Variants in DPYSL5 observed in about 807,000 individuals in gnomAD.
DPYSL5 encodes the protein dihydropyrimidinase like 5.
Under a neutral mutation model 58.4 loss-of-function variants are expected in DPYSL5, and 9 were observed. That is an observed-to-expected ratio of 0.15 (90% confidence interval 0.09 to 0.27). DPYSL5 has a LOEUF of 0.27. Among genes scored for constraint, DPYSL5 ranks in the 10% least tolerant of loss-of-function variants. The pLI is 1.00. For synonymous variants in DPYSL5, 293 were observed against 301.9 expected (o/e 0.97, Z 0.31); for missense variants, 499 against 770.6 (o/e 0.65, Z 4.17).
chr2:26,931,826 G>A (rs1018720544), intron 6 of DPYSL5, 142 bp downstream of exon 6: 2 of 797,288 alleles, frequency 2.5e-6, no homozygotes, highest in South Asian at 1.7e-5. Flanking sequence ...TGGCCAACAT[G>A]GTGAAACCCC....
intron 1 of DPYSL5, among the ~76,000 whole-genome samples, chr2:26,865,112 T>C (rs1194397601): frequency 1.3e-5 from 2 of 152,206 alleles, no homozygotes; most frequent in African/African-American, 4.8e-5. Flanking sequence ...AAGAAAACTG[T>C]GTGCATAAAT....
chr2:26,855,730 G>A (rs1665863261), intron 1 of DPYSL5, among the ~76,000 whole-genome samples: 1 of 152,118 alleles, frequency 6.6e-6, no homozygotes, highest in South Asian at 2.1e-4. Context: ...GGGCTGACTC[G>A]AAATTCTCAC....
intron 1 of DPYSL5, among the ~76,000 whole-genome samples, chr2:26,851,571 G>A (rs537162063): frequency 1.3e-5 from 2 of 152,212 alleles, no homozygotes; most frequent in African/African-American, 4.8e-5. Flanking sequence ...TCTGACCCAG[G>A]ATTCTGTATG....
intron 1 of DPYSL5, among the ~76,000 whole-genome samples, chr2:26,896,000 G>A (rs1664012063): frequency 1.3e-5 from 2 of 151,632 alleles, no homozygotes; most frequent in South Asian, 4.2e-4. Flanking sequence ...GGCTGGTCTT[G>A]AACTCCTGAC....
chr2:26,889,271 ACTT>A (rs1346803031), intron 1 of DPYSL5, among the ~76,000 whole-genome samples: 1 of 151,296 alleles, frequency 6.6e-6, no homozygotes, highest in Non-Finnish European at 1.5e-5. Flanking sequence ...GAGAGCTTAT[ACTT>A]CTTTTTTTTT....
rs1376841331 is a variant in DPYSL5, at chr2:26,950,306, CGTT to C, written c.*3314_*3316del. 1 of 152,186 alleles carries C rather than the reference CGTT, an allele frequency of 6.6e-6. No individual in the cohort carries two copies. Among genetic ancestry groups the C allele is most frequent in the Non-Finnish European group, 1.5e-5 (1 of 68,074 alleles). 9.4% of individuals were successfully genotyped at this position (152,186 alleles called of 1,614,324 possible). On this transcript the variant is annotated 3_prime_UTR_variant, in exon 13 of 13. Transcript: ENST00000288699. This position sits in a 1 kb window ranked among gnomAD's most constrained non-coding sequence, Gnocchi z 5.3. ...GAGGCAAAAACTAAACAGCCCGACA[CGTT>C]GTGTTCTGGTGCAGGTTTGTATTAA...
intron 1 of DPYSL5, among the ~76,000 whole-genome samples, chr2:26,857,647 T>A (rs1316949444): frequency 6.6e-6 from 1 of 152,210 alleles, no homozygotes; most frequent in Non-Finnish European, 1.5e-5. Flanking sequence ...TGGCCAGAAT[T>A]CTTATTTCTT....
intron 1 of DPYSL5, among the ~76,000 whole-genome samples, chr2:26,879,778 G>C (rs1201302342): frequency 6.6e-6 from 1 of 152,182 alleles, no homozygotes; most frequent in Non-Finnish European, 1.5e-5. Flanking sequence ...GGTGAAATCA[G>C]CTCTTATTAT....
intron 1 of DPYSL5, among the ~76,000 whole-genome samples, chr2:26,853,992 A>C (rs937932579): frequency 2.6e-5 from 4 of 152,100 alleles, no homozygotes; most frequent in African/African-American, 4.8e-5. Flanking sequence ...GTGAGCTGTG[A>C]TTACACCACT....
rs373034710 is a variant in DPYSL5, at chr2:26,931,203, GTATATATATATATATATATATA to G, written c.670-431_670-410del. 4.0e-3 allele frequency among the ~76,000 whole-genome samples: 179 copies of G among 44,912 alleles called. 2 individuals carry two copies. Among genetic ancestry groups the G allele is most frequent in the African/African-American group, 0.013 (160 of 12,332 alleles). The allele number at this position is 44,912 out of a possible 152,430, so 29.5% of individuals were successfully genotyped here. A position where few individuals can be genotyped will look rare whatever the true frequency, so the allele number is the denominator to read the frequency against. ...TGTGTGTGTGTGTGTGTGTGTGTGT[GTATATATATATATATATATATA>G]TATATGAATTATACAACTCAAATGC... On this transcript the variant is annotated intron_variant, in intron 5 of 12. Coordinates refer to ENST00000288699, the MANE Select transcript of DPYSL5 (RefSeq NM_020134.4).
Position 26,849,216 on chromosome 2 carries a change from A to T in DPYSL5, c.-5+962A>T, listed in dbSNP as rs1665681435. The stretch of plus-strand genomic sequence containing the variant: ...GCGCCCGGCGAGGCTGGTTCTGCTG[A>T]AGAATGGGGAGGGGAGGAGGGATGC... On this transcript the variant is annotated intron_variant, in intron 1 of 12. Coordinates refer to ENST00000288699, the MANE Select transcript of DPYSL5 (RefSeq NM_020134.4). The surrounding 1 kb of genome is among the most constrained non-coding windows in gnomAD (Gnocchi z 6.2). Among the ~76,000 whole-genome samples, 2 of 151,346 alleles carry T rather than the reference A, an allele frequency of 1.3e-5. No individual in the cohort carries two copies. The highest frequency in any genetic ancestry group is 4.2e-4 in the South Asian group (2 of 4,790).
chr2:26,884,554 A>ACACACT (rs1663664950), intron 1 of DPYSL5, among the ~76,000 whole-genome samples: 1 of 151,310 alleles, frequency 6.6e-6, no homozygotes, highest in Non-Finnish European at 1.5e-5. Context: ...ACACACACAC[A>ACACACT]CTCAGCTCTG....
At chr2:26,910,083 A>G (rs950507210) in intron 2 of DPYSL5, among the ~76,000 whole-genome samples, 11 of 152,196 alleles carry the variant, frequency 7.2e-5, no homozygotes, top group African/African-American at 2.4e-4. Flanking sequence ...TGCATTTTCT[A>G]CTATTTCTAT....
chr2:26,867,338 G>A (rs1366391544), intron 1 of DPYSL5, among the ~76,000 whole-genome samples: 2 of 151,798 alleles, frequency 1.3e-5, no homozygotes, highest in Non-Finnish European at 1.5e-5. Flanking sequence ...TAGGCCAACT[G>A]ATATAAATCT....
chr2:26,859,135 T>C (rs960224659), intron 1 of DPYSL5, among the ~76,000 whole-genome samples: 1 of 152,220 alleles, frequency 6.6e-6, no homozygotes, highest in Non-Finnish European at 1.5e-5. Flanking sequence ...TCAGTTCCGT[T>C]GGAATGTACT....
intron 8 of DPYSL5, among the ~76,000 whole-genome samples, chr2:26,936,170 A>G: frequency 6.6e-6 from 1 of 152,184 alleles, no homozygotes; most frequent in East Asian, 1.9e-4. Context: ...AGGGAATGCC[A>G]GGACTCTCCA....
intron 1 of DPYSL5, among the ~76,000 whole-genome samples, chr2:26,858,675 C>G (rs1665938187): frequency 6.6e-6 from 1 of 151,062 alleles, no homozygotes; most frequent in Non-Finnish European, 1.5e-5. Context: ...GCAATCCTCT[C>G]ACCTCACCCT....
At position 26,898,887 on chromosome 2, in the gene DPYSL5, C is replaced by A; in HGVS notation, c.261+127C>A. 8.4e-7 allele frequency: 1 copy of A among 1,184,442 alleles called. No individual in the cohort carries two copies. The allele number at this position is 1,184,442 out of a possible 1,614,324, so 73.4% of individuals were successfully genotyped here. On this transcript the variant is annotated intron_variant, in intron 2 of 12. Transcript: ENST00000288699. This position sits in a 1 kb window ranked among gnomAD's most constrained non-coding sequence, Gnocchi z 6.1. ...TATTGCTGGCAGGAGAAGGGTGTGTCAGGGCCACTGTGGCAACTACAATAG... is the reference window on the plus strand; with the variant it reads ...TATTGCTGGCAGGAGAAGGGTGTGTAAGGGCCACTGTGGCAACTACAATAG...
chr2:26,941,840 C>A, intron 9 of DPYSL5, 110 bp from the exon 10 acceptor site: 1 of 1,451,600 alleles, frequency 6.9e-7, no homozygotes, highest in Non-Finnish European at 9.4e-7. Flanking sequence ...TTTGTGACCA[C>A]TGTCCTGACC....
Sources: gnomAD v4.1 joint callset for allele counts (sites outside exome capture counted in the v4.1 genomes callset) on GRCh38, gnomAD v4.1.1 for gene constraint, Gnocchi (gnomAD v3.1) non-coding constraint, MANE v1.5 for transcripts, NCBI Gene and HGNC (gene_info 2026-07-23, HGNC 2026-07-21) for gene names.